The following COMMD8 variants were observed in gnomAD, a reference collection of about 807,000 sequenced individuals.
COMMD8 encodes the protein COMM domain containing 8.
COMMD8 carries 28 observed loss-of-function variants against 27.2 expected under a neutral mutation model. The observed-to-expected ratio is 1.03, with a 90% CI of 0.76 to 1.41. The LOEUF (loss-of-function observed/expected upper bound fraction) is 1.41, where lower values mean the gene tolerates loss of function less well. Among genes scored for constraint, COMMD8 ranks in the 40% most tolerant of loss-of-function variants. COMMD8 has a pLI of 0.00. For synonymous variants in COMMD8, 79 were observed against 75.5 expected (o/e 1.05, Z -0.24); for missense variants, 217 against 211.2 (o/e 1.03, Z -0.17).
intron 3 of COMMD8, among the ~76,000 whole-genome samples, chr4:47,454,663 C>T (rs1294787769): frequency 1.3e-5 from 2 of 151,856 alleles, no homozygotes; most frequent in Admixed American, 1.3e-4. Flanking sequence ...GTCGGGAGTT[C>T]TAGACCAGCA....
At position 47,456,577 on chromosome 4, in the gene COMMD8, C is replaced by A. The variant is rs761968440; in HGVS notation, c.375G>T (p.Lys125Asn). The A allele has an allele frequency of 6.9e-6, 11 of 1,602,864 alleles. No homozygotes were observed. Among genetic ancestry groups the A allele is most frequent in the Admixed American group, 1.7e-5 (1 of 57,610 alleles). The change falls in exon 3 of 5, where the codon AAG (lysine) becomes AAT (asparagine). Residue 125 changes from lysine (K) to asparagine (N), a missense_variant and splice_region_variant. Transcript: ENST00000381571. ...AQLQDFDWQV[K>N]LALSSDKIAA... is the part of the protein sequence containing the mutation. ...AATACACATACTCATAGACTCTTAC[C>A]TTTACCTGCCAATCAAAATCCTGTA...
At chr4:47,461,896 G>A (rs1730035867) in intron 1 of COMMD8, among the ~76,000 whole-genome samples, 1 of 152,164 alleles carries the variant, frequency 6.6e-6, no homozygotes, top group Non-Finnish European at 1.5e-5. Context: ...GAATGATGGG[G>A]CCATAATAAA....
At chr4:47,457,061 T>C (rs1387420541) in intron 2 of COMMD8, among the ~76,000 whole-genome samples, 8 of 152,152 alleles carry the variant, frequency 5.3e-5, no homozygotes, top group Non-Finnish European at 1.0e-4. Context: ...TCAAAGGAAG[T>C]GCTCATTTGA....
chr4:47,456,707 A>T lies in COMMD8; in HGVS notation c.245T>A (p.Leu82Ter). The change falls in exon 3 of 5, where the codon TTG (leucine) becomes TAG (stop). Residue 82 changes from leucine to a stop codon, truncating the protein, a stop_gained. Transcript: ENST00000381571. LOFTEE classifies it high-confidence loss of function. ...GATAGTTTCTTGATGAAGTGAATTC[A>T]ACTGATTCAACTGCTGAAATATCTA... Reference protein sequence around the residue: ...DEEIFQQLNQLNSLHQETIMK... With the variant: ...DEEIFQQLNQ 6.3e-7 allele frequency: 1 copy of T among 1,583,950 alleles called. No individual in the cohort carries two copies. Among genetic ancestry groups the T allele is most frequent in the Non-Finnish European group, 8.6e-7 (1 of 1,169,396 alleles).
chr4:47,456,293 T>TATATAC (rs1729886148), intron 3 of COMMD8, among the ~76,000 whole-genome samples: 2 of 144,844 alleles, frequency 1.4e-5, no homozygotes, highest in African/African-American at 2.5e-5. Context: ...TATATATATA[T>TATATAC]ATATATATGT....
At chr4:47,459,182 A>G (rs1027111334) in intron 2 of COMMD8, among the ~76,000 whole-genome samples, 1 of 152,154 alleles carries the variant, frequency 6.6e-6, no homozygotes, top group African/African-American at 2.4e-5. Context: ...TTGTTTCACC[A>G]AAAGATACCA....
chr4:47,454,069 T>G (rs934574738), intron 3 of COMMD8, among the ~76,000 whole-genome samples: 1 of 152,214 alleles, frequency 6.6e-6, no homozygotes, highest in Non-Finnish European at 1.5e-5. Context: ...TCTGGAAGTA[T>G]CAGCTTCAGG....
chr4:47,456,187 C>A (rs1729879439), intron 3 of COMMD8, among the ~76,000 whole-genome samples: 1 of 150,334 alleles, frequency 6.7e-6, no homozygotes, highest in East Asian at 2.0e-4. Flanking sequence ...GCAGAAGTTG[C>A]AGTAAGCTGA....
rs1729893242 is a variant in COMMD8 at position 47,456,474 on chromosome 4, A to G, written c.375+103T>C. 4 of 758,374 alleles carry G rather than the reference A, an allele frequency of 5.3e-6. No individual in the cohort carries two copies. The Admixed American group carries it at 1.5e-4, about 28-fold the overall frequency. The allele number at this position is 758,374 out of a possible 1,614,324, so 47.0% of individuals were successfully genotyped here. A position where few individuals can be genotyped will look rare whatever the true frequency, so the allele number is the denominator to read the frequency against. On this transcript the variant is annotated intron_variant, in intron 3 of 4. Transcript: ENST00000381571. ...ACTATCTTTGATATTTCTTTGGGAT[A>G]ATACATTCCCAAAATAACAAATTTT...
At chr4:47,458,628 C>A (rs1729948994) in intron 2 of COMMD8, among the ~76,000 whole-genome samples, 1 of 152,026 alleles carries the variant, frequency 6.6e-6, no homozygotes, top group African/African-American at 2.4e-5. Flanking sequence ...TAAATGATCT[C>A]TATCAAAATT....
chr4:47,463,479 T>G (rs1158655322), intron 1 of COMMD8, 107 bp downstream of exon 1: 32 of 1,066,682 alleles, frequency 3.0e-5, no homozygotes, highest in Non-Finnish European at 3.9e-5. Flanking sequence ...CCTCCTCCCT[T>G]CCCTAGGGAG....
At position 47,456,576 on chromosome 4, in the gene COMMD8, C is replaced by T. The variant is rs1729895975; in HGVS notation, c.375+1G>A. 6.2e-7 allele frequency: 1 copy of T among 1,602,794 alleles called. No individual in the cohort carries two copies. Among genetic ancestry groups the T allele is most frequent in the Non-Finnish European group, 8.5e-7 (1 of 1,175,628 alleles). ...AAATACACATACTCATAGACTCTTACCTTTACCTGCCAATCAAAATCCTGT... is the reference window on the plus strand; with the variant it reads ...AAATACACATACTCATAGACTCTTATCTTTACCTGCCAATCAAAATCCTGT... On this transcript the variant is annotated splice_donor_variant, in intron 3 of 4. Coordinates refer to ENST00000381571, the MANE Select transcript of COMMD8 (RefSeq NM_017845.5). LOFTEE classifies it high-confidence loss of function.
At position 47,463,658 on chromosome 4, in the gene COMMD8, G is replaced by A; in HGVS notation, c.-7C>T. 1.9e-6 allele frequency: 3 copies of A among 1,547,868 alleles called. No homozygotes were observed. Among genetic ancestry groups the A allele is most frequent in the Non-Finnish European group, 2.6e-6 (3 of 1,145,540 alleles). On this transcript the variant is annotated 5_prime_UTR_variant, in exon 1 of 5. Coordinates refer to ENST00000381571, the MANE Select transcript of COMMD8 (RefSeq NM_017845.5). ...TCCCCTCTTCCGGCTCCATCCCTGCGCGAAGCTGGGGCTTGGGTCACGTGT... is the reference window on the plus strand; with the variant it reads ...TCCCCTCTTCCGGCTCCATCCCTGCACGAAGCTGGGGCTTGGGTCACGTGT...
At chr4:47,456,968 G>C (rs187261103) in intron 2 of COMMD8, among the ~76,000 whole-genome samples, 47 of 152,272 alleles carry the variant, frequency 3.1e-4, no homozygotes, top group African/African-American at 1.1e-3. Flanking sequence ...AATACACCTG[G>C]AAAACACCAA....
At chr4:47,461,720 T>C (rs1184848657) in intron 1 of COMMD8, among the ~76,000 whole-genome samples, 1 of 152,164 alleles carries the variant, frequency 6.6e-6, no homozygotes, top group Non-Finnish European at 1.5e-5. Context: ...CCGTTATGGA[T>C]CCCTAACTAG....
intron 3 of COMMD8, 106 bp from the exon 4 acceptor site, chr4:47,453,320 G>A (rs1729805206): frequency 1.2e-6 from 1 of 816,278 alleles, no homozygotes; most frequent in Non-Finnish European, 1.9e-6. Flanking sequence ...ACTGTTTGCT[G>A]TTGAGTATAG....
chr4:47,455,148 G>A (rs371596194), intron 3 of COMMD8, among the ~76,000 whole-genome samples: 2 of 151,736 alleles, frequency 1.3e-5, no homozygotes, highest in Non-Finnish European at 2.9e-5. Flanking sequence ...CAAGTAGCTG[G>A]GACTACAGGC....
At chr4:47,453,717 A>G (rs1030146859) in intron 3 of COMMD8, among the ~76,000 whole-genome samples, 1 of 152,204 alleles carries the variant, frequency 6.6e-6, no homozygotes, top group Non-Finnish European at 1.5e-5. Flanking sequence ...CACTCTGTAC[A>G]TTTACCTCAC....
chr4:47,460,699 TCTCA>T (rs1730002231), intron 1 of COMMD8, among the ~76,000 whole-genome samples: 2 of 152,196 alleles, frequency 1.3e-5, no homozygotes, highest in East Asian at 3.9e-4. Flanking sequence ...CTTTTGAGGG[TCTCA>T]CTATGTTGCC....
Sources: allele counts gnomAD v4.1 joint callset (sites outside exome capture counted in the v4.1 genomes callset), GRCh38; gene constraint gnomAD v4.1.1; transcripts MANE v1.5; gene names NCBI Gene and HGNC (gene_info 2026-07-23, HGNC 2026-07-21).